The following DHX29 variants were observed in gnomAD, a reference collection of about 807,000 sequenced individuals.
The protein encoded by DHX29 is ATP-dependent RNA helicase DHX29.
In DHX29, 79 loss-of-function variants were observed where a neutral mutation model predicts 167.9. That is an observed-to-expected ratio of 0.47 (90% CI 0.39 to 0.57). The LOEUF (loss-of-function observed/expected upper bound fraction) is 0.57. Ranked by LOEUF, DHX29 falls within the 20% of genes least tolerant of loss-of-function variation. The pLI is 0.00. For missense variants in DHX29, 1,347 were observed against 1,593.4 expected (o/e 0.85, Z 2.63); for synonymous variants, 530 against 546.0 (o/e 0.97, Z 0.41).
rs139150388 is a variant in DHX29, at chr5:55,284,805, T to G, written c.1356+488A>C. Among the ~76,000 whole-genome samples, 479 of 152,272 alleles carry G rather than the reference T, an allele frequency of 3.1e-3. 1 individual carries two copies. Among genetic ancestry groups the G allele is most frequent in the African/African-American group, 0.011 (450 of 41,560 alleles). On this transcript the variant is annotated intron_variant, in intron 10 of 26. Transcript: ENST00000251636. ...TAAGTTGAGCGAGACAATATAACAT[T>G]AAAGGAAAACAAACTTAAAAAATTT...
chr5:55,262,560 A>G, intron 24 of DHX29, 70 bp downstream of exon 24: 1 of 1,540,952 alleles, frequency 6.5e-7, no homozygotes, highest in Non-Finnish European at 8.8e-7. Context: ...CTGTTAGGGC[A>G]TCCTAACTTG....
In DHX29 at chr5:55,307,672, C is replaced by G. The variant is rs1455651435; in HGVS notation, c.-99G>C. The G allele has an allele frequency of 1.2e-5, 17 of 1,472,526 alleles. No individual in the cohort carries two copies. The Admixed American group carries it at 2.7e-4, about 23-fold the overall frequency. The allele number at this position is 1,472,526 out of a possible 1,614,324, so 91.2% of individuals were successfully genotyped here. On this transcript the variant is annotated 5_prime_UTR_variant, in exon 1 of 27. Transcript: ENST00000251636. ...ATTCCCCGGCTCCGGGGCTGCCACC[C>G]TGCGCTTCGATCCGGGCTTCTCGGG...
At chr5:55,277,905 C>CAAAAAAA (rs753851538) in intron 12 of DHX29, among the ~76,000 whole-genome samples, 1 of 62,156 alleles carries the variant, frequency 1.6e-5, no homozygotes, top group African/African-American at 5.4e-5. Context: ...GACTCTATCT[C>CAAAAAAA]AAAAAAAAAA....
chr5:55,284,316 G>A (rs1039061593), intron 10 of DHX29, among the ~76,000 whole-genome samples: 4 of 152,178 alleles, frequency 2.6e-5, no homozygotes, highest in African/African-American at 9.7e-5. Flanking sequence ...CAGTTCTTTT[G>A]AGATTCTGGC....
rs1365489620 is a variant in DHX29, at chr5:55,267,216, T to C, written c.3447A>G (p.Arg1149=). 6.2e-7 allele frequency: 1 copy of C among 1,612,600 alleles called. No homozygotes were observed. Among genetic ancestry groups the C allele is most frequent in the African/African-American group, 1.3e-5 (1 of 75,018 alleles). ...YNAYLGWKKA[R]QEGGYRSEIT... is the part of the protein sequence containing the mutation. Reference sequence around the variant, plus strand: ...TTTCAGAACGATAACCTCCTTCTTGTCGTGCTTTCTTCCATCTAGATAAAT... The same window carrying C: ...TTTCAGAACGATAACCTCCTTCTTGCCGTGCTTTCTTCCATCTAGATAAAT... The change falls in exon 23 of 27, where the codon CGA becomes CGG. Residue 1149 remains arginine, a synonymous_variant. Transcript: ENST00000251636.
At chr5:55,266,946 T>C (rs1426133264) in intron 23 of DHX29, among the ~76,000 whole-genome samples, 192 bp downstream of exon 23, 1 of 152,206 alleles carries the variant, frequency 6.6e-6, no homozygotes, top group East Asian at 1.9e-4. Flanking sequence ...TATTAAATAC[T>C]ATTTTAAATC....
intron 10 of DHX29, among the ~76,000 whole-genome samples, chr5:55,284,373 G>T (rs1461796072): frequency 1.3e-5 from 2 of 152,138 alleles, no homozygotes; most frequent in Non-Finnish European, 2.9e-5. Context: ...AACTATACTG[G>T]ATAGAATCTA....
In DHX29 at chr5:55,305,670, A is replaced by G. The variant is rs1748824851; in HGVS notation, c.187+1717T>C. Among the ~76,000 whole-genome samples, 4 of 152,238 alleles carry G rather than the reference A, an allele frequency of 2.6e-5. No homozygotes were observed. The South Asian group carries it at 8.3e-4, about 31-fold the overall frequency. On this transcript the variant is annotated intron_variant, in intron 1 of 26. Coordinates refer to ENST00000251636, the MANE Select transcript of DHX29 (RefSeq NM_019030.4). ...CCAGGAATTCACAGGTACCAAGACTAGGATGTGAACTACACAAATGCAAAG... is the reference window on the plus strand; with the variant it reads ...CCAGGAATTCACAGGTACCAAGACTGGGATGTGAACTACACAAATGCAAAG...
chr5:55,290,174 G>A (rs1747966540), intron 7 of DHX29, 44 bp downstream of exon 7: 3 of 1,575,724 alleles, frequency 1.9e-6, no homozygotes, highest in Non-Finnish European at 2.6e-6. Flanking sequence ...CCAACAAATA[G>A]AAGACAATTA....
At chr5:55,266,548 ATTT>A in intron 23 of DHX29, among the ~76,000 whole-genome samples, 1 of 138,112 alleles carries the variant, frequency 7.2e-6, no homozygotes, top group East Asian at 2.1e-4. Context: ...ACCTCAGGTG[ATTT>A]TTTTTTTTTT....
rs1415848681 is a variant in DHX29, at chr5:55,283,604, C to G, written c.1564G>C (p.Glu522Gln). 1 of 1,614,078 alleles carries G rather than the reference C, an allele frequency of 6.2e-7. No homozygotes were observed. Among genetic ancestry groups the G allele is most frequent in the South Asian group, 1.1e-5 (1 of 91,058 alleles). Residue 522 changes from glutamate to glutamine, a missense_variant, in exon 11 of 27, where the codon GAA becomes CAA. Glu to Gln is a conservative substitution (Grantham distance 29, BLOSUM62 2). This residue lies in a region of DHX29 where 882 missense variants were observed against 1,082.4 expected (regional missense o/e 0.81). Transcript: ENST00000251636. ...TCCGAAACTAAATTTTCCCAAGATT[C>G]CTCGGGATCTTCAGAGTTTTCTCTC... Reference protein sequence around the residue: ...NKRENSEDPEESWENLVSDED... With the variant: ...NKRENSEDPEQSWENLVSDED...
At chr5:55,275,126 C>T (rs1747043215) in intron 14 of DHX29, 116 bp from the exon 15 acceptor site, 1 of 1,204,890 alleles carries the variant, frequency 8.3e-7, no homozygotes, top group Non-Finnish European at 1.2e-6. Context: ...CTCATTGTCA[C>T]CATTACTATT....
At chr5:55,303,349 G>A (rs1748702144) in intron 1 of DHX29, among the ~76,000 whole-genome samples, 1 of 152,142 alleles carries the variant, frequency 6.6e-6, no homozygotes, top group Admixed American at 6.5e-5. Context: ...CAGACCCAGT[G>A]CCTGTCCTCA....
Position 55,262,692 on chromosome 5 carries a change from C to T in DHX29, c.3766G>A (p.Val1256Ile), listed in dbSNP as rs1746366686. 2 of 1,614,066 alleles carry T rather than the reference C, an allele frequency of 1.2e-6. No individual in the cohort carries two copies. The highest frequency in any genetic ancestry group is 1.7e-6 in the Non-Finnish European group (2 of 1,179,968). ...IVETAQGKAQVHPSSVNRDLQ... is the reference protein window; with the variant it reads ...IVETAQGKAQIHPSSVNRDLQ... ...TCTCGATTTACTGAGGATGGGTGTA[C>T]TTGTGCTTTGCCTTGGGCCGTCTCC... The change falls in exon 24 of 27, where the codon GTA becomes ATA. Residue 1256 changes from valine (V) to isoleucine (I), a missense_variant. By Grantham distance (29) the Val-to-Ile change is conservative. Transcript: ENST00000251636.
At chr5:55,284,772 A>C (rs1226141544) in intron 10 of DHX29, among the ~76,000 whole-genome samples, 1 of 152,254 alleles carries the variant, frequency 6.6e-6, no homozygotes, top group Non-Finnish European at 1.5e-5. Context: ...ATGTCTACAT[A>C]ATTTTTTTAA....
chr5:55,285,211 A>G (rs1476010649), intron 10 of DHX29, 82 bp downstream of exon 10: 2 of 1,547,456 alleles, frequency 1.3e-6, no homozygotes, highest in African/African-American at 2.8e-5. Flanking sequence ...TAATCAGAAG[A>G]AACAGTCAAT....
At position 55,269,445 on chromosome 5, in the gene DHX29, A is replaced by C; in HGVS notation, c.3262T>G (p.Phe1088Val). The C allele has an allele frequency of 2.5e-6, 4 of 1,613,298 alleles. No individual in the cohort carries two copies. Among genetic ancestry groups the C allele is most frequent in the Non-Finnish European group, 3.4e-6 (4 of 1,180,000 alleles). Residue 1088 changes from phenylalanine (F) to valine (V), a missense_variant, in exon 21 of 27, where the codon TTT becomes GTT. By Grantham distance (50) the Phe-to-Val change is conservative. Transcript: ENST00000251636. ...TCAAGGCAGCCAAATATGGCACCAA[A>C]AATAAGCATCTTGCCAATCTTGACA... ...VNVKIGKMLI[F>V]GAIFGCLDPV...
At position 55,283,790 on chromosome 5, in the gene DHX29, G is replaced by T. The variant is rs547772650; in HGVS notation, c.1378C>A (p.Pro460Thr). ...TCCAGCCAAACATCTCGGTAAGTGG[G>T]AGGAAGTAACTGATGAACTGACTAA... is the stretch of plus-strand genomic sequence containing the variant. ...KGQSVHQLLPPTYRDVWLEWS... is the reference protein window; with the variant it reads ...KGQSVHQLLPTTYRDVWLEWS... Residue 460 changes from proline (P) to threonine (T), a missense_variant, in exon 11 of 27, where the codon CCC becomes ACC. This residue lies in a region of DHX29 where 882 missense variants were observed against 1,082.4 expected (regional missense o/e 0.81). Coordinates refer to ENST00000251636, the MANE Select transcript of DHX29 (RefSeq NM_019030.4). 3.7e-6 allele frequency: 6 copies of T among 1,602,176 alleles called. No homozygotes were observed. Among genetic ancestry groups the T allele is most frequent in the Non-Finnish European group, 5.1e-6 (6 of 1,175,332 alleles).
intron 12 of DHX29, among the ~76,000 whole-genome samples, chr5:55,278,449 A>C (rs1169480101): frequency 1.3e-5 from 2 of 152,222 alleles, no homozygotes; most frequent in Admixed American, 1.3e-4. Flanking sequence ...GAATACAAAT[A>C]ATGCAAATTT....
Sources: gnomAD v4.1 joint callset for allele counts (sites outside exome capture counted in the v4.1 genomes callset) on GRCh38, gnomAD v4.1.1 for gene constraint, gnomAD v4.1.1 regional missense constraint, MANE v1.5 for transcripts, NCBI Gene and HGNC (gene_info 2026-07-23, HGNC 2026-07-21) for gene names.